Variants in SRFBP1 observed in about 807,000 individuals in gnomAD.
The protein encoded by SRFBP1 is serum response factor-binding protein 1.
Under a neutral mutation model 45.5 loss-of-function variants are expected in SRFBP1, and 47 were observed. The ratio of observed to expected loss-of-function variants is 1.03; its 90% CI spans 0.82 to 1.32. The LOEUF (loss-of-function observed/expected upper bound fraction) is 1.32. SRFBP1 is among the 40% of genes most tolerant of loss of function. The pLI, the probability that SRFBP1 is intolerant of heterozygous loss-of-function variation, is 0.00. For synonymous variants in SRFBP1, 203 were observed against 166.3 expected (o/e 1.22, Z -1.70); for missense variants, 621 against 484.6 (o/e 1.28, Z -2.64).
chr5:122,043,377 G>C (rs758091910), intron 2 of SRFBP1, among the ~76,000 whole-genome samples: 2 of 151,942 alleles, frequency 1.3e-5, no homozygotes, highest in African/African-American at 4.8e-5. Context: ...TGCTACACCC[G>C]GCTAGGTTTT....
rs112561001 is a variant in SRFBP1 at position 122,051,488 on chromosome 5, C to T, written n.312-23827C>T. Among the ~76,000 whole-genome samples the T allele has an allele frequency of 1.3e-4, 19 of 151,146 alleles. No individual in the cohort carries two copies. The East Asian group carries it at 2.3e-3, about 18-fold the overall frequency. Reference sequence around the variant, plus strand: ...AGTTAGGTCTTCTTGTTGAATTAAACGCTTTATCATTATGCAATACCCTTC... The same window carrying T: ...AGTTAGGTCTTCTTGTTGAATTAAATGCTTTATCATTATGCAATACCCTTC... On this transcript the variant is annotated intron_variant and non_coding_transcript_variant, in intron 2 of 2. Coordinates refer to the SRFBP1 transcript ENST00000504881.
intron 2 of SRFBP1, among the ~76,000 whole-genome samples, chr5:122,071,274 A>G (rs992445159): frequency 9.9e-5 from 15 of 151,976 alleles, no homozygotes; most frequent in Non-Finnish European, 1.6e-4. Context: ...CATTTTATAG[A>G]TGAGAAAACT....
At chr5:122,022,051 A>C (rs1378039658) in intron 6 of SRFBP1, among the ~76,000 whole-genome samples, 3 of 152,048 alleles carry the variant, frequency 2.0e-5, no homozygotes, top group African/African-American at 7.2e-5. Flanking sequence ...AAAAGACTTT[A>C]GAAATTCTTT....
intron 2 of SRFBP1, among the ~76,000 whole-genome samples, chr5:122,037,357 G>C (rs145408170): frequency 1.3e-5 from 2 of 152,088 alleles, no homozygotes; most frequent in Admixed American, 1.3e-4. Flanking sequence ...GTCTTCTGCC[G>C]GCATCCCTAA....
downstream of SRFBP1, chr5:122,078,433 C>G (rs971192695): frequency 6.4e-6 from 1 of 156,454 alleles, no homozygotes; most frequent in African/African-American, 2.4e-5. Context: ...GCCCTCCTCC[C>G]CCCAGACACG....
intron 2 of SRFBP1, among the ~76,000 whole-genome samples, chr5:122,058,392 A>G (rs542877432): frequency 3.5e-4 from 54 of 152,202 alleles, no homozygotes; most frequent in Non-Finnish European, 7.1e-4. Context: ...ATTCTAAGAT[A>G]TTTGATTGAT....
At chr5:122,077,626 G>A (rs1196862019), downstream of SRFBP1, 3 of 1,611,432 alleles carry the variant, frequency 1.9e-6, no homozygotes, top group Non-Finnish European at 2.5e-6. This position sits in a 1 kb window ranked among gnomAD's most constrained non-coding sequence, Gnocchi z 4.9. Context: ...AGTGACGGGC[G>A]GTGGGCCTGG....
intron 2 of SRFBP1, among the ~76,000 whole-genome samples, chr5:122,036,464 T>C (rs1003032354): frequency 2.0e-5 from 3 of 152,182 alleles, no homozygotes; most frequent in Admixed American, 6.5e-5. Flanking sequence ...TGGGACTGGC[T>C]CTTGGACAGC....
chr5:122,001,404 A>G (rs1012302958), intron 4 of SRFBP1, among the ~76,000 whole-genome samples: 1 of 144,796 alleles, frequency 6.9e-6, no homozygotes, highest in Non-Finnish European at 1.5e-5. Context: ...TATTTTTTTT[A>G]TTTTTATTTT....
intron 4 of SRFBP1, among the ~76,000 whole-genome samples, chr5:122,014,072 G>T (rs912978048): frequency 5.3e-5 from 8 of 152,096 alleles, no homozygotes; most frequent in African/African-American, 1.9e-4. Context: ...GTTTAAAGTG[G>T]TAGATATGGT....
At chr5:121,978,253 G>C (rs1752344177) in intron 3 of SRFBP1, among the ~76,000 whole-genome samples, 1 of 152,128 alleles carries the variant, frequency 6.6e-6, no homozygotes, top group Non-Finnish European at 1.5e-5. Flanking sequence ...CAAGCTTAGA[G>C]AAACTGAGCA....
intron 1 of SRFBP1, among the ~76,000 whole-genome samples, chr5:121,968,650 A>G (rs920678291): frequency 2.0e-5 from 3 of 152,094 alleles, no homozygotes; most frequent in African/African-American, 4.8e-5. Flanking sequence ...GCCTTTTCCT[A>G]TTGTTGAGAA....
At chr5:121,986,887 T>A (rs1307135683) in intron 3 of SRFBP1, among the ~76,000 whole-genome samples, 4 of 152,110 alleles carry the variant, frequency 2.6e-5, no homozygotes, top group Non-Finnish European at 1.5e-5. Context: ...ATTACAAAGA[T>A]ATTGAGGTAG....
chr5:122,042,240 A>G (rs528778749), intron 2 of SRFBP1, among the ~76,000 whole-genome samples: 1 of 152,310 alleles, frequency 6.6e-6, no homozygotes, highest in South Asian at 2.1e-4. Context: ...TTGCAGAACT[A>G]AACAATGTAA....
chr5:122,077,096 C>A, downstream of SRFBP1: 1 of 1,533,122 alleles, frequency 6.5e-7, no homozygotes, highest in South Asian at 1.2e-5. The surrounding 1 kb of genome is among the most constrained non-coding windows in gnomAD (Gnocchi z 4.9). Context: ...CCTCACCCTT[C>A]GCCCACCGGG....
At chr5:122,021,180 A>G (rs1753311808) in intron 6 of SRFBP1, among the ~76,000 whole-genome samples, 1 of 152,184 alleles carries the variant, frequency 6.6e-6, no homozygotes, top group African/African-American at 2.4e-5. Context: ...ATGATCCAGG[A>G]CCATTATTGT....
rs34480003 is a variant in SRFBP1 at position 122,071,219 on chromosome 5, G to GTA, written n.312-4093_312-4092dup. ...TGTGTGTGTGTGTGTGTGTGTGTGT[G>GTA]TATAAAAATTCAATTTTCACAACTA... On this transcript the variant is annotated intron_variant and non_coding_transcript_variant, in intron 2 of 2. Transcript: ENST00000504881. Among the ~76,000 whole-genome samples the GTA allele has an allele frequency of 4.2e-3, 610 of 144,182 alleles. 10 individuals are homozygous for GTA. In the East Asian group the frequency reaches 0.046, roughly 11 times the overall value. 94.6% of individuals were successfully genotyped at this position (144,182 alleles called of 152,430 possible). A position where few individuals can be genotyped will look rare whatever the true frequency, so the allele number is the denominator to read the frequency against.
chr5:122,052,041 G>C (rs1264674272), intron 2 of SRFBP1, among the ~76,000 whole-genome samples: 1 of 152,158 alleles, frequency 6.6e-6, no homozygotes, highest in African/African-American at 2.4e-5. Flanking sequence ...TTTTTGGTTG[G>C]AAATTTTTTT....
chr5:122,026,070 A>G (rs937763993), intron 7 of SRFBP1, among the ~76,000 whole-genome samples: 2 of 152,214 alleles, frequency 1.3e-5, no homozygotes, highest in Non-Finnish European at 2.9e-5. Flanking sequence ...ATCCTGGGCA[A>G]CAGAGCAAGA....
Sources: allele counts gnomAD v4.1 joint callset (sites outside exome capture counted in the v4.1 genomes callset), GRCh38; gene constraint gnomAD v4.1.1; non-coding constraint Gnocchi (gnomAD v3.1); transcripts MANE v1.5; gene names NCBI Gene and HGNC (gene_info 2026-07-23, HGNC 2026-07-21).